Variants in KLF13 observed in about 807,000 individuals in gnomAD.
The protein encoded by KLF13 is KLF transcription factor 13.
In KLF13, 8 loss-of-function variants were observed where a neutral mutation model predicts 16.7. The ratio of observed to expected loss-of-function variants is 0.48; its 90% CI spans 0.28 to 0.87. The LOEUF (loss-of-function observed/expected upper bound fraction) is 0.87. KLF13 is among the 40% of genes least tolerant of loss of function. The pLI, the probability that KLF13 is intolerant of heterozygous loss-of-function variation, is 0.10. For synonymous variants in KLF13, 245 were observed against 208.4 expected (o/e 1.18, Z -1.51); for missense variants, 447 against 452.2 (o/e 0.99, Z 0.10).
At chr15:31,420,395 C>T in intron 1 of KLF13, 3 of 1,142,086 alleles carry the variant, frequency 2.6e-6, no homozygotes, top group Non-Finnish European at 3.9e-6. Context: ...CAGTGGCTAC[C>T]CTTACAATGA....
upstream of KLF13, among the ~76,000 whole-genome samples, chr15:31,390,536 C>G (rs536997597): frequency 4.4e-4 from 67 of 152,288 alleles, no homozygotes; most frequent in South Asian, 6.8e-3. Context: ...TTACCATCTT[C>G]GAAATCTGTC....
In KLF13 at chr15:31,429,694, CTTTT is replaced by C. The variant is rs763742092; in HGVS notation, n.118-5675_118-5672del. ...TATGATCTTAGCACAGAGAAAGATT[CTTTT>C]ATTTATTTATTTATTTATTTATTTA... is the stretch of plus-strand genomic sequence containing the variant. On this transcript the variant is annotated intron_variant and non_coding_transcript_variant, in intron 1 of 1. Transcript: ENST00000558225. 3.4e-4 allele frequency among the ~76,000 whole-genome samples: 48 copies of C among 142,358 alleles called. 1 individual carries two copies. The highest frequency in any genetic ancestry group is 1.4e-3 in the Admixed American group (19 of 13,366). The allele number at this position is 142,358 out of a possible 152,430, so 93.4% of individuals were successfully genotyped here. A position where few individuals can be genotyped will look rare whatever the true frequency, so the allele number is the denominator to read the frequency against.
intron 2 of KLF13, among the ~76,000 whole-genome samples, chr15:31,394,541 G>T (rs2039928061): frequency 6.6e-6 from 1 of 151,886 alleles, no homozygotes; most frequent in African/African-American, 2.4e-5. Flanking sequence ...AAAGAGTGTG[G>T]GTGTGTATTT....
At chr15:31,409,847 C>G (rs2040170193) in intron 1 of KLF13, among the ~76,000 whole-genome samples, 1 of 152,094 alleles carries the variant, frequency 6.6e-6, no homozygotes, top group Non-Finnish European at 1.5e-5. Flanking sequence ...AAATTTTCTA[C>G]TAGCAGCCCT....
intron 1 of KLF13, among the ~76,000 whole-genome samples, chr15:31,354,072 C>T (rs1453077219): frequency 6.6e-6 from 1 of 152,244 alleles, no homozygotes. Context: ...GTGTGGAGGC[C>T]TCAGGCCTAT....
intron 1 of KLF13, among the ~76,000 whole-genome samples, chr15:31,368,043 C>T (rs533431524): frequency 1.3e-5 from 2 of 151,808 alleles, no homozygotes; most frequent in African/African-American, 2.4e-5. Context: ...CTGCCTTCCC[C>T]GTCTCCCTCA....
rs1225131213 is a variant in KLF13, at chr15:31,346,163, A to G, written c.577+18374A>G. On this transcript the variant is annotated intron_variant, in intron 1 of 1. Transcript: ENST00000307145. Reference sequence around the variant, plus strand: ...CTGTTCCGCACAGAACACCAGGTCAATGATCTTGACTCTGTTTCTGGGAAG... The same window carrying G: ...CTGTTCCGCACAGAACACCAGGTCAGTGATCTTGACTCTGTTTCTGGGAAG... Among the ~76,000 whole-genome samples, 7 of 151,882 alleles carry G rather than the reference A, an allele frequency of 4.6e-5. No homozygotes were observed. The East Asian group carries it at 1.2e-3, about 25-fold the overall frequency.
intron 1 of KLF13, among the ~76,000 whole-genome samples, chr15:31,431,551 G>A (rs1232414276): frequency 6.6e-6 from 1 of 151,878 alleles, no homozygotes; most frequent in African/African-American, 2.4e-5. Flanking sequence ...TGCAACCTCC[G>A]CCTCCCAGGT....
intron 1 of KLF13, among the ~76,000 whole-genome samples, chr15:31,345,029 G>T (rs2039089616): frequency 6.6e-6 from 1 of 152,194 alleles, no homozygotes; most frequent in Non-Finnish European, 1.5e-5. Flanking sequence ...CAGGCTCTGT[G>T]GGTCAGGGTT....
intron 1 of KLF13, among the ~76,000 whole-genome samples, chr15:31,412,890 G>C (rs538551213): frequency 3.3e-5 from 5 of 152,274 alleles, no homozygotes; most frequent in African/African-American, 9.6e-5. Flanking sequence ...GCCTAAACCA[G>C]GCTGGATAGT....
intron 1 of KLF13, among the ~76,000 whole-genome samples, chr15:31,362,923 A>G (rs940758699): frequency 6.6e-6 from 1 of 152,190 alleles, no homozygotes; most frequent in Non-Finnish European, 1.5e-5. Context: ...TGTGCGTTCC[A>G]TAATTTATTT....
intron 1 of KLF13, 148 bp downstream of exon 1, chr15:31,327,937 ACCCGCGGCTGGC>A (rs1220253430): frequency 2.5e-5 from 24 of 965,196 alleles, no homozygotes; most frequent in Non-Finnish European, 2.9e-5. Flanking sequence ...TGCCGCTCCG[ACCCGCGGCTGGC>A]CCCGCGCGTC....
chr15:31,344,518 A>G (rs2039081333), intron 1 of KLF13, among the ~76,000 whole-genome samples: 1 of 152,120 alleles, frequency 6.6e-6, no homozygotes, highest in Non-Finnish European at 1.5e-5. Context: ...CCCTACTGTC[A>G]TGGCTGGCCC....
At chr15:31,400,497 A>AGAAC (rs1202944311) in intron 2 of KLF13, among the ~76,000 whole-genome samples, 2 of 152,196 alleles carry the variant, frequency 1.3e-5, no homozygotes, top group African/African-American at 4.8e-5. Flanking sequence ...ACAGGCAGGG[A>AGAAC]GAACTCAAAT....
At chr15:31,421,090 T>C (rs1262642885) in intron 1 of KLF13, among the ~76,000 whole-genome samples, 1 of 152,228 alleles carries the variant, frequency 6.6e-6, no homozygotes, top group Non-Finnish European at 1.5e-5. Flanking sequence ...GCTGTGGTAT[T>C]ATTTTTGTTT....
At chr15:31,419,419 T>C (rs1307640306) in intron 1 of KLF13, among the ~76,000 whole-genome samples, 2 of 151,324 alleles carry the variant, frequency 1.3e-5, no homozygotes. Context: ...TAAAAACAAA[T>C]CCAGAAAACA....
intron 1 of KLF13, among the ~76,000 whole-genome samples, chr15:31,421,369 T>G (rs1453835916): frequency 6.6e-6 from 1 of 152,196 alleles, no homozygotes; most frequent in African/African-American, 2.4e-5. Flanking sequence ...AGTACAGAAT[T>G]GTATAATATT....
intron 1 of KLF13, among the ~76,000 whole-genome samples, chr15:31,358,879 C>T (rs961942966): frequency 6.6e-6 from 1 of 152,230 alleles, no homozygotes; most frequent in Admixed American, 6.5e-5. Context: ...CGCACACTGG[C>T]TCCTGAAGCC....
At chr15:31,378,745 A>G (rs1035211818), downstream of KLF13, among the ~76,000 whole-genome samples, 3 of 151,504 alleles carry the variant, frequency 2.0e-5, no homozygotes, top group Non-Finnish European at 4.4e-5. Flanking sequence ...GTGTAGCCCC[A>G]CTCGTTGCTG....
Sources: gnomAD v4.1 joint callset for allele counts (sites outside exome capture counted in the v4.1 genomes callset) on GRCh38, gnomAD v4.1.1 for gene constraint, MANE v1.5 for transcripts, NCBI Gene and HGNC (gene_info 2026-07-23, HGNC 2026-07-21) for gene names.